ZNF618: variants seen among roughly 807,000 people sequenced by gnomAD.
ZNF618 encodes the protein neural precursor cell expressed, developmentally down-regulated 10.
Under a neutral mutation model 103.0 loss-of-function variants are expected in ZNF618, and 34 were observed. That is an observed-to-expected ratio of 0.33 (90% confidence interval 0.25 to 0.44). ZNF618 has a LOEUF of 0.44. Ranked by LOEUF, ZNF618 falls within the 20% of genes least tolerant of loss-of-function variation. ZNF618 has a pLI of 1.00. For synonymous variants in ZNF618, 551 were observed against 542.2 expected (o/e 1.02, Z -0.23); for missense variants, 1,059 against 1,295.4 (o/e 0.82, Z 2.80).
At chr9:113,959,497 T>G (rs1269939572) in intron 1 of ZNF618, among the ~76,000 whole-genome samples, 1 of 152,204 alleles carries the variant, frequency 6.6e-6, no homozygotes, top group Non-Finnish European at 1.5e-5. Context: ...TGGCACCTGG[T>G]ACCCTGGGAT....
At position 113,951,790 on chromosome 9, in the gene ZNF618, G is replaced by A. The variant is rs138415733; in HGVS notation, c.34-17327G>A. On this transcript the variant is annotated intron_variant, in intron 1 of 14. Transcript: ENST00000374126. ...CCTCATGGCTAAGGAGAACAAGTGTGGTTCTGTGCCATTTTCCTTTTCTTA... is the reference window on the plus strand; with the variant it reads ...CCTCATGGCTAAGGAGAACAAGTGTAGTTCTGTGCCATTTTCCTTTTCTTA... Among the ~76,000 whole-genome samples, 505 of 151,970 alleles carry A rather than the reference G, an allele frequency of 3.3e-3. 3 individuals carry two copies. The highest frequency in any genetic ancestry group is 0.012 in the African/African-American group (482 of 41,426).
At chr9:113,904,853 C>T (rs1342610425) in intron 1 of ZNF618, among the ~76,000 whole-genome samples, 1 of 152,194 alleles carries the variant, frequency 6.6e-6, no homozygotes, top group African/African-American at 2.4e-5. Context: ...TCTTCTGCCT[C>T]CCTCTTCCAC....
intron 8 of ZNF618, 35 bp downstream of exon 8, chr9:114,008,414 T>C: frequency 1.2e-6 from 2 of 1,613,934 alleles, no homozygotes; most frequent in Non-Finnish European, 1.7e-6. Context: ...ACCTCCCCTG[T>C]CCCCGGCTGG....
chr9:114,034,326 G>C (rs984339107), intron 12 of ZNF618, among the ~76,000 whole-genome samples: 6 of 152,252 alleles, frequency 3.9e-5, no homozygotes, highest in Admixed American at 1.3e-4. Context: ...GGCTGGAACC[G>C]AGGTCTCCAG....
chr9:113,888,159 C>G (rs1032424340), intron 1 of ZNF618, among the ~76,000 whole-genome samples: 1 of 152,216 alleles, frequency 6.6e-6, no homozygotes, highest in Non-Finnish European at 1.5e-5. Context: ...TCTAAGCTCA[C>G]AACACCACTT....
Position 113,921,098 on chromosome 9 carries a change from G to A in ZNF618, c.33+44685G>A, listed in dbSNP as rs918531682. Among the ~76,000 whole-genome samples the A allele has an allele frequency of 2.6e-5, 4 of 152,214 alleles. No individual in the cohort carries two copies. In the South Asian group the frequency reaches 8.3e-4, roughly 31 times the overall value. On this transcript the variant is annotated intron_variant, in intron 1 of 14. Transcript: ENST00000374126. ...CACAGATCAGATGTTGAATACCTTT[G>A]CTATTTTAAAAAGTTACTTGAGCAT...
At chr9:113,888,803 T>C (rs1829321955) in intron 1 of ZNF618, among the ~76,000 whole-genome samples, 1 of 152,204 alleles carries the variant, frequency 6.6e-6, no homozygotes, top group South Asian at 2.1e-4. Context: ...AGAAGGCATG[T>C]GCTGTTAGTT....
At chr9:114,005,905 C>T (rs1247514656) in intron 6 of ZNF618, among the ~76,000 whole-genome samples, 1 of 152,226 alleles carries the variant, frequency 6.6e-6, no homozygotes, top group African/African-American at 2.4e-5. Flanking sequence ...GAAGCAGGAC[C>T]AGCCTCTCCT....
At chr9:113,904,537 C>CT (rs1252674733) in intron 1 of ZNF618, among the ~76,000 whole-genome samples, 1 of 152,162 alleles carries the variant, frequency 6.6e-6, no homozygotes, top group Non-Finnish European at 1.5e-5. Context: ...GTGTTTTGCT[C>CT]TGTTATTGGT....
At chr9:114,020,543 C>T (rs1842982293) in intron 10 of ZNF618, among the ~76,000 whole-genome samples, 1 of 152,092 alleles carries the variant, frequency 6.6e-6, no homozygotes, top group South Asian at 2.1e-4. Context: ...CATTCCATAT[C>T]TCCAAGTATT....
chr9:113,926,280 T>A (rs10817534), intron 1 of ZNF618, among the ~76,000 whole-genome samples: 2,865 of 152,018 alleles, frequency 0.019, 127 homozygotes, highest in East Asian at 0.19. Context: ...TGGACCCCTT[T>A]TGCAAAAATA....
At position 113,884,806 on chromosome 9, in the gene ZNF618, G is replaced by GAC. The variant is rs1408750242; in HGVS notation, c.33+8394_33+8395insCA. Among the ~76,000 whole-genome samples, 98 of 150,394 alleles carry GAC rather than the reference G, an allele frequency of 6.5e-4. 1 individual carries two copies. Among genetic ancestry groups the GAC allele is most frequent in the African/African-American group, 2.2e-3 (92 of 40,930 alleles). The stretch of plus-strand genomic sequence containing the variant: ...AGAGAGAGAGAGAGAGAGAGAGAGA[G>GAC]AGAGAGACAGAGAAACTGAGGCCTT... On this transcript the variant is annotated intron_variant, in intron 1 of 14. Coordinates refer to ENST00000374126, the MANE Select transcript of ZNF618 (RefSeq NM_001318042.2).
intron 1 of ZNF618, among the ~76,000 whole-genome samples, chr9:113,889,653 A>G (rs906443634): frequency 6.6e-6 from 1 of 152,182 alleles, no homozygotes; most frequent in Admixed American, 6.5e-5. Flanking sequence ...TGATGTGGCC[A>G]TCTTTGGAAA....
At chr9:114,016,999 G>A (rs190002245) in intron 10 of ZNF618, 300 of 563,032 alleles carry the variant, frequency 5.3e-4, no homozygotes, top group African/African-American at 5.0e-3. Flanking sequence ...AGCAGAGTCC[G>A]AGCCCTCCCT....
intron 1 of ZNF618, among the ~76,000 whole-genome samples, chr9:113,882,867 C>T (rs764962014): frequency 4.6e-5 from 7 of 152,140 alleles, no homozygotes; most frequent in Admixed American, 6.5e-5. Context: ...AGCTGCACTT[C>T]TTCTTCTGTA....
intron 1 of ZNF618, among the ~76,000 whole-genome samples, chr9:113,910,569 G>A (rs906055557): frequency 3.3e-5 from 5 of 152,248 alleles, no homozygotes; most frequent in East Asian, 1.9e-4. Flanking sequence ...TTTTCCTTTC[G>A]CTTGGATCTG....
chr9:113,989,080 A>C (rs1031453362), intron 3 of ZNF618, among the ~76,000 whole-genome samples: 7 of 152,086 alleles, frequency 4.6e-5, no homozygotes, highest in African/African-American at 1.7e-4. Context: ...TCTTAGCAAC[A>C]ATTTCTCTCC....
At chr9:113,897,100 T>G (rs1041047015) in intron 1 of ZNF618, among the ~76,000 whole-genome samples, 1 of 152,196 alleles carries the variant, frequency 6.6e-6, no homozygotes, top group Non-Finnish European at 1.5e-5. Context: ...ACTTAAAAAC[T>G]CAGAGTCTTG....
At chr9:113,999,598 C>T (rs1840979886) in intron 4 of ZNF618, among the ~76,000 whole-genome samples, 1 of 152,224 alleles carries the variant, frequency 6.6e-6, no homozygotes, top group Admixed American at 6.5e-5. Flanking sequence ...AGCTCTCCCA[C>T]AGCTTGGGGT....
Sources: allele counts gnomAD v4.1 joint callset (sites outside exome capture counted in the v4.1 genomes callset), GRCh38; gene constraint gnomAD v4.1.1; transcripts MANE v1.5; gene names NCBI Gene and HGNC (gene_info 2026-07-23, HGNC 2026-07-21).